The following DIP2C variants were observed in gnomAD, a reference collection of about 807,000 sequenced individuals.
The protein encoded by DIP2C is disco-interacting protein 2 homolog C.
DIP2C carries 33 observed loss-of-function variants against 192.4 expected under a neutral mutation model. The observed-to-expected ratio is 0.17, with a 90% CI of 0.13 to 0.23. The LOEUF is 0.23. DIP2C is among the 10% of genes least tolerant of loss of function. The pLI is 1.00. For missense variants in DIP2C, 1,537 were observed against 2,110.1 expected (o/e 0.73, Z 5.32); for synonymous variants, 979 against 864.1 (o/e 1.13, Z -2.33).
At chr10:558,483 C>T (rs1231785126) in intron 1 of DIP2C, among the ~76,000 whole-genome samples, 1 of 152,130 alleles carries the variant, frequency 6.6e-6, no homozygotes, top group African/African-American at 2.4e-5. Context: ...AGGCAGGCAC[C>T]CTCGATGTAG....
chr10:321,585 C>CGGGGG (rs1564551448), intron 31 of DIP2C, among the ~76,000 whole-genome samples: 4 of 129,896 alleles, frequency 3.1e-5, no homozygotes, highest in African/African-American at 1.3e-4. Flanking sequence ...GGGTGCGGGG[C>CGGGGG]TCCAGCGAGA....
In DIP2C at chr10:425,594, G is replaced by C. The variant is rs1004702706; in HGVS notation, c.395-2561C>G. 2.7e-5 allele frequency among the ~76,000 whole-genome samples: 4 copies of C among 150,494 alleles called. No individual in the cohort carries two copies. In the East Asian group the frequency reaches 6.0e-4, roughly 23 times the overall value. On this transcript the variant is annotated intron_variant, in intron 4 of 36. Coordinates refer to ENST00000280886, the MANE Select transcript of DIP2C (RefSeq NM_014974.3). Reference sequence around the variant, plus strand: ...GACCAGCAGTGACTAATATGAAATGGATGCAGCATGACCAGCGGTGACTAA... The same window carrying C: ...GACCAGCAGTGACTAATATGAAATGCATGCAGCATGACCAGCGGTGACTAA...
chr10:579,347 C>T (rs565664039), intron 1 of DIP2C, among the ~76,000 whole-genome samples: 1 of 152,122 alleles, frequency 6.6e-6, no homozygotes, highest in Admixed American at 6.5e-5. Flanking sequence ...AGTGTACACA[C>T]ACCCAAATGT....
intron 1 of DIP2C, among the ~76,000 whole-genome samples, chr10:686,384 CGAGG>C: frequency 6.6e-6 from 1 of 151,830 alleles, no homozygotes; most frequent in Admixed American, 6.5e-5. Context: ...CCTCCTCACC[CGAGG>C]GGCCTCCGCA....
intron 1 of DIP2C, chr10:665,409 G>C (rs896159815): frequency 6.6e-6 from 1 of 152,040 alleles, no homozygotes; most frequent in Non-Finnish European, 1.5e-5. Flanking sequence ...GTAATCTAAA[G>C]AAAAAGTTTT....
intron 1 of DIP2C, among the ~76,000 whole-genome samples, chr10:638,132 A>G (rs1383365496): frequency 6.6e-6 from 1 of 152,198 alleles, no homozygotes; most frequent in Non-Finnish European, 1.5e-5. Flanking sequence ...GTCTGAGAAC[A>G]TGTTCTCAAG....
chr10:456,292 A>T (rs1201223310), intron 3 of DIP2C, among the ~76,000 whole-genome samples: 2 of 117,058 alleles, frequency 1.7e-5, no homozygotes, highest in Non-Finnish European at 3.4e-5. Flanking sequence ...GCCTGAGGGG[A>T]GGCCATGAGG....
chr10:473,580 GCT>G (rs1207832047), intron 2 of DIP2C, among the ~76,000 whole-genome samples: 8 of 151,036 alleles, frequency 5.3e-5, no homozygotes. Context: ...TCTGTGAACG[GCT>G]CTGATACCAC....
At chr10:654,388 G>A (rs1164571750) in intron 1 of DIP2C, among the ~76,000 whole-genome samples, 1 of 152,122 alleles carries the variant, frequency 6.6e-6, no homozygotes, top group Non-Finnish European at 1.5e-5. Context: ...AAATATGCAC[G>A]GCTTTCCAAT....
intron 1 of DIP2C, among the ~76,000 whole-genome samples, chr10:530,653 TAA>T (rs59344971): frequency 0.14 from 14,974 of 105,830 alleles, 1,518 homozygotes; most frequent in African/African-American, 0.32. Flanking sequence ...CCCTATCTCT[TAA>T]AAAAAAAAAA....
chr10:448,527 C>G (rs78718832), intron 3 of DIP2C, among the ~76,000 whole-genome samples: 1 of 110,940 alleles, frequency 9.0e-6, no homozygotes, highest in African/African-American at 5.7e-5. Context: ...CCCGTTGATA[C>G]TCAGGATCAC....
rs1320239309 is a variant in DIP2C, at chr10:275,183, C to T, written c.*2142G>A. On this transcript the variant is annotated 3_prime_UTR_variant, in exon 37 of 37. Coordinates refer to ENST00000280886, the MANE Select transcript of DIP2C (RefSeq NM_014974.3). ...TTGCTTCCTGACTTCAGCTGGACCT[C>T]AAAGCTGTCCTGCACACTGCAGCTA... 2 of 152,260 alleles carry T rather than the reference C, an allele frequency of 1.3e-5. No homozygotes were observed. Among genetic ancestry groups the T allele is most frequent in the Non-Finnish European group, 2.9e-5 (2 of 68,070 alleles). 9.4% of individuals were successfully genotyped at this position (152,260 alleles called of 1,614,324 possible).
At chr10:439,647 A>C (rs530447276) in intron 4 of DIP2C, among the ~76,000 whole-genome samples, 2 of 151,818 alleles carry the variant, frequency 1.3e-5, no homozygotes, top group East Asian at 1.9e-4. Context: ...AACAACAAAA[A>C]CCCCAAATTA....
intron 26 of DIP2C, among the ~76,000 whole-genome samples, chr10:346,637 T>G (rs1426558189): frequency 2.4e-5 from 2 of 84,590 alleles, no homozygotes; most frequent in African/African-American, 5.0e-5. Flanking sequence ...AACCCCACAC[T>G]CACCCAACCC....
At chr10:422,137 G>A (rs192033637) in intron 5 of DIP2C, among the ~76,000 whole-genome samples, 291 of 152,276 alleles carry the variant, frequency 1.9e-3, no homozygotes, top group African/African-American at 6.0e-3. Context: ...GTAAGCAGTC[G>A]TCTCCGGTTA....
Position 419,063 on chromosome 10 carries a change from A to G in DIP2C, c.739+2T>C. On this transcript the variant is annotated splice_donor_variant, in intron 6 of 36. Transcript: ENST00000280886. LOFTEE classifies it high-confidence loss of function. ...AAAACGCATCTCTCCTTTGGGACGT[A>G]CCATCCCCGGTCTCCATGAGCTCGG... 6.2e-7 allele frequency: 1 copy of G among 1,614,254 alleles called. No individual in the cohort carries two copies.
intron 1 of DIP2C, among the ~76,000 whole-genome samples, chr10:491,173 C>G (rs1180272674): frequency 6.6e-6 from 1 of 152,176 alleles, no homozygotes; most frequent in South Asian, 2.1e-4. Context: ...GCTCAAGACA[C>G]GGACACTTGG....
chr10:417,704 C>CAGA (rs139265409), intron 6 of DIP2C, among the ~76,000 whole-genome samples: 1 of 111,264 alleles, frequency 9.0e-6, no homozygotes, highest in Admixed American at 8.9e-5. Flanking sequence ...CTGTGCCTGT[C>CAGA]GGCTCAAATA....
chr10:585,291 C>G (rs1244963575), intron 1 of DIP2C, among the ~76,000 whole-genome samples: 1 of 152,258 alleles, frequency 6.6e-6, no homozygotes, highest in Non-Finnish European at 1.5e-5. Context: ...GGGCATCGCC[C>G]TCACAAGCTG....
Sources: gnomAD v4.1 joint callset for allele counts (sites outside exome capture counted in the v4.1 genomes callset) on GRCh38, gnomAD v4.1.1 for gene constraint, MANE v1.5 for transcripts, NCBI Gene and HGNC (gene_info 2026-07-23, HGNC 2026-07-21) for gene names.